SEMA6D: variants seen among roughly 807,000 people sequenced by gnomAD.
SEMA6D encodes the protein semaphorin-6D.
A neutral mutation model predicts 106.6 loss-of-function variants in SEMA6D; 35 were observed. The observed-to-expected ratio is 0.33, with a 90% confidence interval of 0.25 to 0.44. The LOEUF is 0.44. Among genes scored for constraint, SEMA6D ranks in the 20% least tolerant of loss-of-function variants. The probability of loss-of-function intolerance (pLI) is 1.00; values close to 1 mark genes in which losing one functional copy is unlikely to be tolerated. For missense variants in SEMA6D, 1,185 were observed against 1,345.9 expected, an observed-to-expected ratio of 0.88 and a Z score of 1.87; for synonymous variants, 499 against 487.7, an observed-to-expected ratio of 1.02 and a Z score of -0.31.
intron 1 of SEMA6D, among the ~76,000 whole-genome samples, chr15:47,300,094 T>C (rs2035962988): frequency 2.6e-5 from 4 of 152,182 alleles, no homozygotes. Flanking sequence ...CTGAGCAAAC[T>C]TGGAGAATAA....
intron 2 of SEMA6D, among the ~76,000 whole-genome samples, chr15:47,453,965 A>G (rs1011933569): frequency 2.0e-5 from 3 of 151,958 alleles, no homozygotes; most frequent in Admixed American, 6.6e-5. Context: ...TGACGCCCCA[A>G]TGATTGTGGC....
chr15:47,497,750 T>G (rs2043716092), intron 3 of SEMA6D, among the ~76,000 whole-genome samples: 1 of 152,094 alleles, frequency 6.6e-6, no homozygotes, highest in Non-Finnish European at 1.5e-5. Flanking sequence ...CTATAACTAG[T>G]ATCTTCTAAT....
intron 1 of SEMA6D, among the ~76,000 whole-genome samples, chr15:47,250,830 A>G (rs2033476319): frequency 6.6e-6 from 1 of 152,260 alleles, no homozygotes; most frequent in Non-Finnish European, 1.5e-5. Context: ...TGGAAACTCT[A>G]GCATGAATAG....
intron 3 of SEMA6D, among the ~76,000 whole-genome samples, chr15:47,550,596 A>C (rs1197912292): frequency 6.6e-6 from 1 of 152,146 alleles, no homozygotes; most frequent in Non-Finnish European, 1.5e-5. Context: ...TGATCCCGCC[A>C]TGTTGTCTAA....
At chr15:47,410,454 A>G (rs2040752215) in intron 1 of SEMA6D, among the ~76,000 whole-genome samples, 1 of 152,226 alleles carries the variant, frequency 6.6e-6, no homozygotes, top group Non-Finnish European at 1.5e-5. Flanking sequence ...GTAAGAAGCC[A>G]GTTCCCCTTT....
intron 4 of SEMA6D, among the ~76,000 whole-genome samples, chr15:47,673,582 G>A (rs147736270): frequency 1.3e-4 from 20 of 152,226 alleles, no homozygotes; most frequent in Non-Finnish European, 2.2e-4. Flanking sequence ...GGGGAACCTC[G>A]TTTTGATGCA....
At chr15:47,254,139 T>C (rs1207958383) in intron 1 of SEMA6D, among the ~76,000 whole-genome samples, 6 of 151,710 alleles carry the variant, frequency 4.0e-5, no homozygotes, top group African/African-American at 1.5e-4. Context: ...CTTTTTAGGC[T>C]ATTTCATTAT....
chr15:47,515,599 A>G (rs568754906), intron 3 of SEMA6D, among the ~76,000 whole-genome samples: 1 of 152,262 alleles, frequency 6.6e-6, no homozygotes, highest in African/African-American at 2.4e-5. Context: ...TTTCCCTCCC[A>G]GAGGAAGTAC....
chr15:47,255,322 G>A (rs2033748128), intron 1 of SEMA6D, among the ~76,000 whole-genome samples: 1 of 151,674 alleles, frequency 6.6e-6, no homozygotes, highest in Non-Finnish European at 1.5e-5. Context: ...GTAAATTTGA[G>A]TCTTCTCTCT....
At chr15:47,361,573 C>A (rs1180816271) in intron 1 of SEMA6D, among the ~76,000 whole-genome samples, 3 of 152,222 alleles carry the variant, frequency 2.0e-5, no homozygotes, top group African/African-American at 4.8e-5. Context: ...CCCAGCTAGA[C>A]TAGCAGCTCT....
At chr15:47,614,801 C>T (rs1169510154) in intron 4 of SEMA6D, among the ~76,000 whole-genome samples, 1 of 152,216 alleles carries the variant, frequency 6.6e-6, no homozygotes, top group East Asian at 1.9e-4. Context: ...TGCCACTTAG[C>T]ATGTGTGACA....
At chr15:47,247,341 A>G (rs112575318) in intron 1 of SEMA6D, among the ~76,000 whole-genome samples, 38 of 152,298 alleles carry the variant, frequency 2.5e-4, no homozygotes, top group African/African-American at 8.9e-4. Context: ...GAAGGGAGAA[A>G]ACATTCTGAC....
At chr15:47,485,465 A>C (rs1336904783) in intron 3 of SEMA6D, among the ~76,000 whole-genome samples, 1 of 152,202 alleles carries the variant, frequency 6.6e-6, no homozygotes, top group African/African-American at 2.4e-5. Context: ...GAACAGGCAC[A>C]TAATAAAATA....
At chr15:47,494,788 A>ATG (rs2043596495) in intron 3 of SEMA6D, among the ~76,000 whole-genome samples, 1 of 97,656 alleles carries the variant, frequency 1.0e-5, no homozygotes, top group African/African-American at 4.5e-5. Context: ...ATATATATAT[A>ATG]TAATCTCCAG....
At chr15:47,763,309 T>C (rs797009125) in intron 9 of SEMA6D, among the ~76,000 whole-genome samples, 19 of 152,108 alleles carry the variant, frequency 1.2e-4, no homozygotes, top group African/African-American at 4.3e-4. Context: ...ACAGCAGCCT[T>C]GAGTTTTGAG....
At chr15:47,747,557 A>T (rs1483310409) in intron 1 of SEMA6D, among the ~76,000 whole-genome samples, 2 of 152,212 alleles carry the variant, frequency 1.3e-5, no homozygotes, top group Non-Finnish European at 2.9e-5. Flanking sequence ...CATAAAATAT[A>T]ACTCAAATAA....
intron 1 of SEMA6D, among the ~76,000 whole-genome samples, chr15:47,220,853 A>G (rs1266587234): frequency 6.6e-6 from 1 of 152,356 alleles, no homozygotes; most frequent in African/African-American, 2.4e-5. Flanking sequence ...CAGAAGATTA[A>G]TCCTCTTTGT....
intron 1 of SEMA6D, among the ~76,000 whole-genome samples, chr15:47,357,248 G>C (rs564051122): frequency 1.3e-5 from 2 of 152,118 alleles, no homozygotes; most frequent in South Asian, 4.1e-4. Context: ...GCAGGAGAAT[G>C]GCATGAACCT....
intron 4 of SEMA6D, among the ~76,000 whole-genome samples, chr15:47,666,415 T>C (rs1432642362): frequency 2.0e-5 from 3 of 152,156 alleles, no homozygotes; most frequent in African/African-American, 7.2e-5. Flanking sequence ...AATTGTGACA[T>C]TGAAGGGATA....
Sources: allele counts gnomAD v4.1 joint callset (sites outside exome capture counted in the v4.1 genomes callset), GRCh38; gene constraint gnomAD v4.1.1; transcripts MANE v1.5; gene names NCBI Gene and HGNC (gene_info 2026-07-23, HGNC 2026-07-21).